SAMD3: variants seen among roughly 807,000 people sequenced by gnomAD.
SAMD3 encodes sterile alpha motif domain-containing protein 3.
A neutral mutation model predicts 58.5 loss-of-function variants in SAMD3; 63 were observed. The observed-to-expected ratio is 1.08, with a 90% confidence interval of 0.88 to 1.33. SAMD3 has a LOEUF of 1.33. SAMD3 is among the 40% of genes most tolerant of loss of function. SAMD3 has a pLI of 0.00. For synonymous variants in SAMD3, 220 were observed against 210.3 expected, an observed-to-expected ratio of 1.05 and a Z score of -0.40; for missense variants, 604 against 608.4, an observed-to-expected ratio of 0.99 and a Z score of 0.08.
chr6:130,263,028 T>C (rs1774197575), intron 2 of SAMD3, among the ~76,000 whole-genome samples: 1 of 152,204 alleles, frequency 6.6e-6, no homozygotes, highest in African/African-American at 2.4e-5. Flanking sequence ...TGGATAAATG[T>C]CTACAAGGTT....
In SAMD3 at chr6:130,145,993, C is replaced by A; in HGVS notation, c.1195+17G>T. On this transcript the variant is annotated intron_variant, in intron 10 of 11. Coordinates refer to ENST00000439090, the MANE Select transcript of SAMD3 (RefSeq NM_001017373.4). ...AAATAACAGATGAAATCACACCACT[C>A]CATAAGGTTTACTAACATTTCAACA... 7.0e-7 allele frequency: 1 copy of A among 1,427,538 alleles called. No homozygotes were observed. Among genetic ancestry groups the A allele is most frequent in the Non-Finnish European group, 9.2e-7 (1 of 1,082,402 alleles). 88.4% of individuals were successfully genotyped at this position (1,427,538 alleles called of 1,614,324 possible).
At chr6:130,347,233 CT>C (rs776519409) in intron 1 of SAMD3, among the ~76,000 whole-genome samples, 1 of 152,178 alleles carries the variant, frequency 6.6e-6, no homozygotes, top group Non-Finnish European at 1.5e-5. Context: ...TGGAGAATGA[CT>C]TTGACGAGTT....
chr6:130,341,249 C>T (rs1204479029), intron 1 of SAMD3, among the ~76,000 whole-genome samples: 1 of 152,178 alleles, frequency 6.6e-6, no homozygotes, highest in African/African-American at 2.4e-5. Context: ...CACATGATAT[C>T]ACATCAGAAT....
intron 1 of SAMD3, among the ~76,000 whole-genome samples, chr6:130,313,859 G>T (rs1053865975): frequency 6.6e-6 from 1 of 152,206 alleles, no homozygotes; most frequent in Admixed American, 6.5e-5. Context: ...CAAGCTCACA[G>T]TTCTGTTTTC....
downstream of SAMD3, chr6:130,144,008 A>G (rs76444731): frequency 6.5e-6 from 1 of 153,794 alleles, no homozygotes; most frequent in Non-Finnish European, 1.4e-5. Flanking sequence ...TATTCTCAAC[A>G]AGCGATTAAA....
chr6:130,253,041 C>T (rs1562482170), intron 2 of SAMD3, among the ~76,000 whole-genome samples: 1 of 152,126 alleles, frequency 6.6e-6, no homozygotes, highest in Non-Finnish European at 1.5e-5. Context: ...TTTTCCATGC[C>T]TCTGCAGGAT....
intron 2 of SAMD3, among the ~76,000 whole-genome samples, chr6:130,234,960 A>G (rs1796642884): frequency 6.6e-6 from 1 of 152,168 alleles, no homozygotes; most frequent in African/African-American, 2.4e-5. Context: ...TAGAAATAAA[A>G]ATAAATTAGC....
intron 1 of SAMD3, among the ~76,000 whole-genome samples, chr6:130,335,933 A>G (rs1403497064): frequency 1.3e-5 from 2 of 151,998 alleles, no homozygotes; most frequent in Non-Finnish European, 2.9e-5. Flanking sequence ...CAAACACCGC[A>G]TATTCTCACT....
intron 2 of SAMD3, among the ~76,000 whole-genome samples, chr6:130,240,049 G>A (rs1773301498): frequency 6.6e-6 from 1 of 152,222 alleles, no homozygotes; most frequent in South Asian, 2.1e-4. Flanking sequence ...AGCACCAGAA[G>A]AATTGGGTCC....
chr6:130,263,313 A>G (rs771702296), intron 2 of SAMD3, among the ~76,000 whole-genome samples: 1 of 152,214 alleles, frequency 6.6e-6, no homozygotes, highest in Admixed American at 6.5e-5. Context: ...CCTTTCCCTC[A>G]AAAACTAAAA....
At chr6:130,358,153 C>G (rs1777888823) in intron 1 of SAMD3, among the ~76,000 whole-genome samples, 1 of 152,194 alleles carries the variant, frequency 6.6e-6, no homozygotes, top group Non-Finnish European at 1.5e-5. Context: ...AAGTAGATAA[C>G]ATTTTCCCTA....
chr6:130,331,402 C>G (rs1776928425), intron 1 of SAMD3, among the ~76,000 whole-genome samples: 3 of 152,124 alleles, frequency 2.0e-5, no homozygotes, highest in Non-Finnish European at 4.4e-5. Flanking sequence ...TGAGGAAAGT[C>G]ATATTAGTGA....
chr6:130,288,005 G>A (rs1271863032), intron 2 of SAMD3, among the ~76,000 whole-genome samples: 1 of 151,992 alleles, frequency 6.6e-6, no homozygotes, highest in East Asian at 1.9e-4. Context: ...GCTCCAGGTG[G>A]CACAAGCTTC....
chr6:130,213,927 C>A (rs1403088123), intron 4 of SAMD3, among the ~76,000 whole-genome samples: 1 of 151,934 alleles, frequency 6.6e-6, no homozygotes, highest in East Asian at 1.9e-4. Flanking sequence ...CTAAGAAATC[C>A]TAGGAAAATA....
At chr6:130,221,317 A>G (rs1796216191) in intron 1 of SAMD3, among the ~76,000 whole-genome samples, 1 of 152,218 alleles carries the variant, frequency 6.6e-6, no homozygotes, top group Non-Finnish European at 1.5e-5. Context: ...CATAATAAAA[A>G]TAAAATATTG....
chr6:130,169,733 G>A (rs1791067565), intron 8 of SAMD3, among the ~76,000 whole-genome samples: 1 of 152,202 alleles, frequency 6.6e-6, no homozygotes, highest in South Asian at 2.1e-4. Flanking sequence ...GACAGAAAAT[G>A]TGAGTGTACA....
rs1054607366 is a variant in SAMD3 at position 130,255,228 on chromosome 6, C to T, written c.-187-32415G>A. The stretch of plus-strand genomic sequence containing the variant: ...TCTTGTGGTCTAAGATATGATCTAT[C>T]GTGAAGAATGTTCTGTGTGTGCTTA... On this transcript the variant is annotated intron_variant, in intron 2 of 13. Coordinates refer to the SAMD3 transcript ENST00000368134. Among the ~76,000 whole-genome samples, 19 of 152,122 alleles carry T rather than the reference C, an allele frequency of 1.2e-4. 1 individual carries two copies. The highest frequency in any genetic ancestry group is 8.5e-4 in the Admixed American group (13 of 15,270).
intron 8 of SAMD3, among the ~76,000 whole-genome samples, chr6:130,174,090 C>T (rs1475014121): frequency 6.6e-6 from 1 of 152,212 alleles, no homozygotes; most frequent in Non-Finnish European, 1.5e-5. Flanking sequence ...AATTTCAAGC[C>T]CGTGGTTCTT....
chr6:130,232,827 T>C (rs1034688738), intron 2 of SAMD3, among the ~76,000 whole-genome samples: 2 of 152,218 alleles, frequency 1.3e-5, no homozygotes, highest in Admixed American at 6.5e-5. Flanking sequence ...GGGCACTTGA[T>C]ACTATTTGCT....
Sources: allele counts gnomAD v4.1 joint callset (sites outside exome capture counted in the v4.1 genomes callset), GRCh38; gene constraint gnomAD v4.1.1; transcripts MANE v1.5; gene names NCBI Gene and HGNC (gene_info 2026-07-23, HGNC 2026-07-21).